Variants in ASTN2 observed in about 807,000 individuals in gnomAD.
The protein encoded by ASTN2 is astrotactin 2.
In ASTN2, 54 loss-of-function variants were observed where a neutral mutation model predicts 139.8. That is an observed-to-expected ratio of 0.39 (90% CI 0.31 to 0.48). ASTN2 has a LOEUF of 0.48. Ranked by LOEUF, ASTN2 falls within the 20% of genes least tolerant of loss-of-function variation. ASTN2 has a pLI of 0.95. For missense variants in ASTN2, 1,565 were observed against 1,725.1 expected, an observed-to-expected ratio of 0.91 and a Z score of 1.64; for synonymous variants, 756 against 719.5, an observed-to-expected ratio of 1.05 and a Z score of -0.81.
chr9:117,051,464 G>A (rs1367057725), intron 5 of ASTN2, among the ~76,000 whole-genome samples: 1 of 152,108 alleles, frequency 6.6e-6, no homozygotes, highest in Non-Finnish European at 1.5e-5. Flanking sequence ...TTACTATGTA[G>A]TCTCTCTTCC....
intron 3 of ASTN2, among the ~76,000 whole-genome samples, chr9:117,190,787 A>C (rs951402913): frequency 1.3e-5 from 2 of 152,076 alleles, no homozygotes; most frequent in Non-Finnish European, 2.9e-5. Context: ...TGAGGGCCCT[A>C]ATTCCCTCCT....
intron 2 of ASTN2, among the ~76,000 whole-genome samples, chr9:117,279,948 A>T (rs1459533961): frequency 2.0e-5 from 3 of 151,486 alleles, no homozygotes; most frequent in Non-Finnish European, 2.9e-5. Context: ...AATTTTTTTA[A>T]TTTTTTTCAC....
At chr9:116,984,030 A>G (rs1048909814) in intron 7 of ASTN2, among the ~76,000 whole-genome samples, 6 of 152,222 alleles carry the variant, frequency 3.9e-5, no homozygotes, top group African/African-American at 1.2e-4. Flanking sequence ...TTAAACCTAG[A>G]TGTCTACATC....
intron 20 of ASTN2, among the ~76,000 whole-genome samples, chr9:116,447,098 C>G (rs1229788624): frequency 6.6e-6 from 1 of 152,152 alleles, no homozygotes; most frequent in African/African-American, 2.4e-5. Context: ...GCATCTCCAG[C>G]TGCTGATGGT....
In ASTN2 at chr9:117,005,080, A is replaced by ATTTTTTTTT. The variant is rs35759848; in HGVS notation, c.1591+3003_1591+3011dup. Among the ~76,000 whole-genome samples the ATTTTTTTTT allele has an allele frequency of 3.2e-4, 24 of 74,672 alleles. 4 individuals carry two copies. The highest frequency in any genetic ancestry group is 1.3e-3 in the South Asian group (2 of 1,568). The allele number at this position is 74,672 out of a possible 152,430, so 49.0% of individuals were successfully genotyped here. A position where few individuals can be genotyped will look rare whatever the true frequency, so the allele number is the denominator to read the frequency against. On this transcript the variant is annotated intron_variant, in intron 7 of 22. Transcript: ENST00000313400. ...AATTTGAGTTGTGGACCTGTAGTCG[A>ATTTTTTTTT]TTTTTTTTTTTTTTTTTTTTTTTTG...
chr9:117,412,157 C>A (rs978091063), intron 1 of ASTN2, among the ~76,000 whole-genome samples: 1 of 152,138 alleles, frequency 6.6e-6, no homozygotes, highest in Non-Finnish European at 1.5e-5. Context: ...CCTGCTATAC[C>A]CAGCCATCTG....
At chr9:116,972,090 T>C (rs1836224206) in intron 10 of ASTN2, among the ~76,000 whole-genome samples, 1 of 152,182 alleles carries the variant, frequency 6.6e-6, no homozygotes, top group Non-Finnish European at 1.5e-5. Context: ...AAATCAAACA[T>C]TATCAGCATC....
intron 3 of ASTN2, among the ~76,000 whole-genome samples, chr9:117,183,965 C>T (rs528106918): frequency 2.0e-5 from 3 of 152,262 alleles, no homozygotes; most frequent in South Asian, 2.1e-4. Context: ...CTCTGGGGTC[C>T]TACAGGGAGA....
At chr9:116,919,319 C>T (rs144817466) in intron 10 of ASTN2, among the ~76,000 whole-genome samples, 47 of 152,252 alleles carry the variant, frequency 3.1e-4, no homozygotes, top group African/African-American at 1.1e-3. Flanking sequence ...AATTGTTGTG[C>T]GACCTTGGCA....
intron 11 of ASTN2, among the ~76,000 whole-genome samples, chr9:116,848,065 G>T (rs900962156): frequency 6.6e-6 from 1 of 152,142 alleles, no homozygotes; most frequent in African/African-American, 2.4e-5. Flanking sequence ...GGTTCAAGGC[G>T]CTGGGAGGAA....
At chr9:117,144,171 AGG>A (rs1830137803) in intron 3 of ASTN2, among the ~76,000 whole-genome samples, 2 of 152,110 alleles carry the variant, frequency 1.3e-5, no homozygotes, top group Admixed American at 1.3e-4. Context: ...GGACACAGTG[AGG>A]GGTGGCATCT....
chr9:116,670,084 C>T (rs12005675), intron 16 of ASTN2, among the ~76,000 whole-genome samples: 6,886 of 152,274 alleles, frequency 0.045, 536 homozygotes, highest in African/African-American at 0.16. Context: ...GGATTACAGG[C>T]ATGAGCCACC....
intron 3 of ASTN2, among the ~76,000 whole-genome samples, chr9:117,162,591 C>T (rs1243852324): frequency 6.6e-6 from 1 of 152,052 alleles, no homozygotes; most frequent in African/African-American, 2.4e-5. Context: ...CCTCCACATA[C>T]CAGCTGTGAG....
intron 10 of ASTN2, among the ~76,000 whole-genome samples, chr9:116,910,608 T>C (rs4838016): frequency 0.46 from 69,945 of 152,058 alleles, 19,188 homozygotes; most frequent in Non-Finnish European, 0.62. Flanking sequence ...ATCCTGAAGC[T>C]GAGGCTTCTG....
chr9:117,100,122 C>G (rs1056986915), intron 4 of ASTN2, among the ~76,000 whole-genome samples: 2 of 152,206 alleles, frequency 1.3e-5, no homozygotes, highest in East Asian at 1.9e-4. Flanking sequence ...TGTAGGAACT[C>G]TAATCAGGCT....
chr9:117,071,385 C>T (rs1179208697), intron 5 of ASTN2, among the ~76,000 whole-genome samples: 3 of 151,512 alleles, frequency 2.0e-5, no homozygotes, highest in Non-Finnish European at 2.9e-5. Flanking sequence ...TCTCCAGCTG[C>T]GTGCTGGGAG....
chr9:116,446,831 G>C, intron 20 of ASTN2, among the ~76,000 whole-genome samples: 1 of 152,216 alleles, frequency 6.6e-6, no homozygotes, highest in East Asian at 1.9e-4. Flanking sequence ...TACAGGCTTA[G>C]TGTATTGGGA....
intron 6 of ASTN2, among the ~76,000 whole-genome samples, chr9:117,036,034 T>C (rs1166342073): frequency 6.6e-6 from 1 of 152,180 alleles, no homozygotes; most frequent in Non-Finnish European, 1.5e-5. Context: ...TATCACAATG[T>C]TTTAGACACT....
At chr9:116,771,842 C>G (rs1212190010) in intron 13 of ASTN2, among the ~76,000 whole-genome samples, 1 of 152,152 alleles carries the variant, frequency 6.6e-6, no homozygotes, top group Non-Finnish European at 1.5e-5. Flanking sequence ...TAGAAATTGT[C>G]AAGGCCAAGA....
Sources: gnomAD v4.1 joint callset for allele counts (sites outside exome capture counted in the v4.1 genomes callset) on GRCh38, gnomAD v4.1.1 for gene constraint, MANE v1.5 for transcripts, NCBI Gene and HGNC (gene_info 2026-07-23, HGNC 2026-07-21) for gene names.